Variants in CHRNA7 observed in about 807,000 individuals in gnomAD.
The protein encoded by CHRNA7 is cholinergic receptor nicotinic alpha 7 subunit, also known as neuronal acetylcholine receptor subunit alpha-7.
A neutral mutation model predicts 48.0 loss-of-function variants in CHRNA7; 17 were observed. The observed-to-expected ratio is 0.35, with a 90% CI of 0.24 to 0.53. CHRNA7 has a LOEUF of 0.53. Ranked by LOEUF, CHRNA7 falls within the 20% of genes least tolerant of loss-of-function variation. CHRNA7 has a pLI of 0.92. For missense variants in CHRNA7, 155 were observed against 577.7 expected (o/e 0.27, Z 7.50); for synonymous variants, 75 against 242.3 (o/e 0.31, Z 6.41).
intron 2 of CHRNA7, among the ~76,000 whole-genome samples, chr15:32,067,417 G>C (rs572882512): frequency 1.3e-5 from 2 of 152,324 alleles, no homozygotes; most frequent in South Asian, 4.1e-4. Flanking sequence ...TCTATACCCA[G>C]TAAAAATATC....
At chr15:32,119,315 T>C (rs937716477) in intron 4 of CHRNA7, among the ~76,000 whole-genome samples, 4 of 152,266 alleles carry the variant, frequency 2.6e-5, no homozygotes, top group African/African-American at 9.6e-5. Flanking sequence ...GGTTCCTTCC[T>C]TCATTAATGA....
At chr15:32,071,762 A>G (rs554784330) in intron 2 of CHRNA7, among the ~76,000 whole-genome samples, 1 of 151,598 alleles carries the variant, frequency 6.6e-6, no homozygotes, top group Admixed American at 6.6e-5. Flanking sequence ...CTGAGGCTTC[A>G]CCAGAAACAG....
chr15:32,137,336 C>CCA (rs78115150), intron 4 of CHRNA7, among the ~76,000 whole-genome samples: 302 of 23,568 alleles, frequency 0.013, no homozygotes, highest in African/African-American at 0.022. Flanking sequence ...GTTTACAACA[C>CCA]CCCCCCCCCA....
chr15:32,150,440 A>G (rs896173169), intron 4 of CHRNA7, among the ~76,000 whole-genome samples: 13 of 152,308 alleles, frequency 8.5e-5, no homozygotes, highest in African/African-American at 2.6e-4. Flanking sequence ...GTTAGATGCC[A>G]TGTAATTGGA....
chr15:32,046,978 G>T (rs981802696), intron 2 of CHRNA7, among the ~76,000 whole-genome samples: 11 of 151,128 alleles, frequency 7.3e-5, no homozygotes, highest in East Asian at 1.9e-4. Flanking sequence ...TCAGATAGTT[G>T]TAGATATGCG....
intron 2 of CHRNA7, among the ~76,000 whole-genome samples, chr15:32,075,082 T>C (rs940750823): frequency 4.6e-5 from 7 of 152,242 alleles, no homozygotes; most frequent in African/African-American, 1.7e-4. Flanking sequence ...GGTTTGGTCA[T>C]GGAACATAAT....
rs149200113 is a variant in CHRNA7, at chr15:32,076,133, T to A, written c.196-25170T>A. 3.5e-3 allele frequency among the ~76,000 whole-genome samples: 540 copies of A among 152,294 alleles called. 3 individuals are homozygous for A. Among genetic ancestry groups the A allele is most frequent in the African/African-American group, 0.012 (506 of 41,566 alleles). ...CTCCATGGCCACGTGAAAAGAGTAT[T>A]TTCTGCTTTTGTTCATTGGGGTGTT... On this transcript the variant is annotated intron_variant, in intron 2 of 9. Transcript: ENST00000306901.
At chr15:32,131,603 A>T (rs116866589) in intron 4 of CHRNA7, among the ~76,000 whole-genome samples, 97 of 152,264 alleles carry the variant, frequency 6.4e-4, no homozygotes, top group Non-Finnish European at 1.3e-3. Flanking sequence ...TTAATTGCCT[A>T]CCAAAGCATT....
At chr15:32,107,576 A>T (rs1466410886) in intron 3 of CHRNA7, among the ~76,000 whole-genome samples, 2 of 152,144 alleles carry the variant, frequency 1.3e-5, no homozygotes, top group African/African-American at 2.4e-5. Context: ...ACTCGGGAAG[A>T]GAAAAACCCA....
intron 4 of CHRNA7, among the ~76,000 whole-genome samples, chr15:32,114,115 T>C (rs12899086): frequency 7.3e-6 from 1 of 136,804 alleles, no homozygotes; most frequent in Non-Finnish European, 1.6e-5. Flanking sequence ...CACACACACA[T>C]ACATACATAT....
intron 2 of CHRNA7, among the ~76,000 whole-genome samples, chr15:32,050,825 G>A (rs934525604): frequency 1.6e-4 from 24 of 152,032 alleles, no homozygotes; most frequent in Admixed American, 1.3e-3. Flanking sequence ...TGGGTTTTTG[G>A]TGTGGATGTC....
intron 2 of CHRNA7, among the ~76,000 whole-genome samples, chr15:32,061,383 T>C (rs1249135564): frequency 6.6e-6 from 1 of 152,176 alleles, no homozygotes; most frequent in East Asian, 1.9e-4. Flanking sequence ...ATAAAGAGAC[T>C]TCCAGATCCC....
intron 4 of CHRNA7, among the ~76,000 whole-genome samples, chr15:32,114,024 A>ATATATATATATATATATG (rs2050809019): frequency 2.5e-5 from 1 of 40,178 alleles, no homozygotes. Flanking sequence ...CTCCAAATAT[A>ATATATATATATATATATG]TATATATATA....
intron 2 of CHRNA7, among the ~76,000 whole-genome samples, chr15:32,072,554 T>A (rs537195991): frequency 6.6e-6 from 1 of 152,138 alleles, no homozygotes; most frequent in Non-Finnish European, 1.5e-5. Flanking sequence ...GGAAAAGGCC[T>A]TGAAGGGGTC....
chr15:32,112,288 C>A (rs1264035858), intron 4 of CHRNA7: 1 of 461,634 alleles, frequency 2.2e-6, no homozygotes, highest in Non-Finnish European at 4.3e-6. Flanking sequence ...ACTGCTGGAG[C>A]CCACAGTTTG....
At chr15:32,092,380 C>T (rs1244151746) in intron 2 of CHRNA7, among the ~76,000 whole-genome samples, 2 of 151,956 alleles carry the variant, frequency 1.3e-5, no homozygotes, top group African/African-American at 4.8e-5. Context: ...AGAAGCATGC[C>T]CTTCTTATTT....
rs143189000 is a variant in CHRNA7, at chr15:32,145,169, G to A, written c.351-8738G>A. ...TGTTAGTTTTCCTTTTAACAGTAAGGCCCCTCAGCTGCAGGTCTGTTGGAG... is the reference window on the plus strand; with the variant it reads ...TGTTAGTTTTCCTTTTAACAGTAAGACCCCTCAGCTGCAGGTCTGTTGGAG... On this transcript the variant is annotated intron_variant, in intron 4 of 9. Coordinates refer to ENST00000306901, the MANE Select transcript of CHRNA7 (RefSeq NM_000746.6). Among the ~76,000 whole-genome samples the A allele has an allele frequency of 2.6e-5, 4 of 152,220 alleles. No individual in the cohort carries two copies. The East Asian group carries it at 7.7e-4, about 29-fold the overall frequency.
intron 4 of CHRNA7, among the ~76,000 whole-genome samples, chr15:32,135,894 A>G (rs1460296656): frequency 6.6e-6 from 1 of 152,232 alleles, no homozygotes; most frequent in South Asian, 2.1e-4. Context: ...TAAAGGCAAC[A>G]GTAGAAGCCA....
At position 32,030,960 on chromosome 15, in the gene CHRNA7, T is replaced by C; in HGVS notation, c.118T>C (p.Leu40=). 8 of 1,614,166 alleles carry C rather than the reference T, an allele frequency of 5.0e-6. No individual in the cohort carries two copies. The highest frequency in any genetic ancestry group is 6.8e-6 in the Non-Finnish European group (8 of 1,180,008). ...YKELVKNYNP[L]ERPVANDSQP... ...GGAGCTGGTCAAGAACTACAATCCC[T>C]TGGAGAGGCCCGTGGCCAATGACTC... Residue 40 remains leucine (L), a synonymous_variant, in exon 2 of 10, where the codon TTG becomes CTG. Coordinates refer to ENST00000306901, the MANE Select transcript of CHRNA7 (RefSeq NM_000746.6).
Sources: allele counts gnomAD v4.1 joint callset (sites outside exome capture counted in the v4.1 genomes callset), GRCh38; gene constraint gnomAD v4.1.1; transcripts MANE v1.5; gene names NCBI Gene and HGNC (gene_info 2026-07-23, HGNC 2026-07-21).